The following MAP2 variants were observed in gnomAD, a reference collection of about 807,000 sequenced individuals.
MAP2 encodes the protein microtubule associated protein 2.
A neutral mutation model predicts 137.6 loss-of-function variants in MAP2; 14 were observed. The observed-to-expected ratio is 0.10, with a 90% CI of 0.07 to 0.16. MAP2 has a LOEUF of 0.16. MAP2 is among the 10% of genes least tolerant of loss of function. The probability of loss-of-function intolerance (pLI) is 1.00; values close to 1 mark genes in which losing one functional copy is unlikely to be tolerated. For missense variants in MAP2, 2,088 were observed against 2,191.5 expected (o/e 0.95, Z 0.94); for synonymous variants, 786 against 782.3 (o/e 1.00, Z -0.08).
chr2:209,505,466 A>G (rs1355188491), intron 1 of MAP2, among the ~76,000 whole-genome samples: 1 of 152,110 alleles, frequency 6.6e-6, no homozygotes, highest in East Asian at 1.9e-4. Flanking sequence ...TATGGAAACA[A>G]GGTTTTTGTC....
intron 10 of MAP2, among the ~76,000 whole-genome samples, chr2:209,699,869 A>G (rs946315065): frequency 6.6e-6 from 1 of 152,186 alleles, no homozygotes; most frequent in Non-Finnish European, 1.5e-5. Flanking sequence ...GGAAATCTCT[A>G]TGAACCCTCT....
intron 2 of MAP2, among the ~76,000 whole-genome samples, chr2:209,577,143 A>G (rs2153386264): frequency 6.6e-6 from 1 of 152,318 alleles, no homozygotes; most frequent in South Asian, 2.1e-4. Context: ...ACTTTGAAAA[A>G]TCACCTCATT....
intron 3 of MAP2, among the ~76,000 whole-genome samples, chr2:209,580,929 T>C (rs1285903688): frequency 6.6e-6 from 1 of 152,218 alleles, no homozygotes; most frequent in Non-Finnish European, 1.5e-5. Context: ...GAAGACATTT[T>C]CTGCCCTGCT....
At chr2:209,698,143 C>T (rs566534959) in intron 10 of MAP2, among the ~76,000 whole-genome samples, 11 of 152,066 alleles carry the variant, frequency 7.2e-5, no homozygotes, top group African/African-American at 1.9e-4. Flanking sequence ...CCACTGCACC[C>T]GGCCTGCTAT....
rs139167427 is a variant in MAP2, at chr2:209,550,803, G to A, written c.-171-29233G>A. Among the ~76,000 whole-genome samples the A allele has an allele frequency of 5.4e-3, 826 of 152,216 alleles. 8 individuals are homozygous for A. The highest frequency in any genetic ancestry group is 0.019 in the African/African-American group (799 of 41,534). Reference sequence around the variant, plus strand: ...TCCTACTTGTCACAGTTCTCATAATGTACTTTCACTTGATTTAATATAATT... The same window carrying A: ...TCCTACTTGTCACAGTTCTCATAATATACTTTCACTTGATTTAATATAATT... On this transcript the variant is annotated intron_variant, in intron 2 of 15. Coordinates refer to ENST00000682079, the MANE Select transcript of MAP2 (RefSeq NM_001375505.1).
chr2:209,435,864 TAGTC>T (rs1242129091), intron 1 of MAP2, among the ~76,000 whole-genome samples: 1 of 148,624 alleles, frequency 6.7e-6, no homozygotes, highest in East Asian at 2.0e-4. Context: ...TGCAGAAATG[TAGTC>T]AGTCAGTGAA....
intron 2 of MAP2, among the ~76,000 whole-genome samples, chr2:209,523,200 A>G (rs2063529038): frequency 6.6e-6 from 1 of 152,106 alleles, no homozygotes; most frequent in Non-Finnish European, 1.5e-5. Flanking sequence ...GTGCACTCCC[A>G]TAACACCCCG....
chr2:209,633,407 G>C (rs2093282195), intron 4 of MAP2, among the ~76,000 whole-genome samples: 1 of 152,096 alleles, frequency 6.6e-6, no homozygotes, highest in Non-Finnish European at 1.5e-5. Flanking sequence ...CATCCAGTTG[G>C]TGAAGTCTCA....
At position 209,731,589 on chromosome 2, in the gene MAP2, T is replaced by A. The variant is rs563082481; in HGVS notation, c.*1192T>A. On this transcript the variant is annotated 3_prime_UTR_variant, in exon 16 of 16. Coordinates refer to ENST00000682079, the MANE Select transcript of MAP2 (RefSeq NM_001375505.1). ...GATAGTTTGGGGTTTATTCCTATTA[T>A]TATTCATGAAACCGACTTAAGATTT... 6.6e-6 allele frequency: 1 copy of A among 152,646 alleles called. No individual in the cohort carries two copies. The highest frequency in any genetic ancestry group is 1.5e-5 in the Non-Finnish European group (1 of 68,036). The allele number at this position is 152,646 out of a possible 1,614,324, so 9.5% of individuals were successfully genotyped here.
rs763687737 is a variant in MAP2, at chr2:209,700,338, T to C, written c.4584T>C (p.Ser1528=). The change falls in exon 11 of 16, where the codon TCT becomes TCC. Residue 1528 remains serine (S), a splice_region_variant and synonymous_variant. Coordinates refer to ENST00000682079, the MANE Select transcript of MAP2 (RefSeq NM_001375505.1). ...TTAAACAGGCAAAGGACAAAGTCTCTGTGAGTAAAATAAGTTTTTCCTTGT... is the reference window on the plus strand; with the variant it reads ...TTAAACAGGCAAAGGACAAAGTCTCCGTGAGTAAAATAAGTTTTTCCTTGT... ...SVFKQAKDKV[S]DGVTKSPEKR... 3 of 1,610,824 alleles carry C rather than the reference T, an allele frequency of 1.9e-6. No individual in the cohort carries two copies. The Admixed American group carries it at 5.0e-5, about 27-fold the overall frequency.
chr2:209,609,704 G>C (rs1161360238), intron 3 of MAP2, among the ~76,000 whole-genome samples: 31 of 152,134 alleles, frequency 2.0e-4, no homozygotes, highest in Admixed American at 2.0e-3. Flanking sequence ...GATTTTATTA[G>C]TTCATTAATC....
At chr2:209,662,311 G>A (rs978277076) in intron 5 of MAP2, among the ~76,000 whole-genome samples, 3 of 152,116 alleles carry the variant, frequency 2.0e-5, no homozygotes, top group East Asian at 1.9e-4. Context: ...TTCTTGTCTC[G>A]CTTTGTGCTA....
At chr2:209,656,981 T>A (rs2663647) in intron 5 of MAP2, among the ~76,000 whole-genome samples, 43,140 of 152,110 alleles carry the variant, frequency 0.28, 10,572 homozygotes, top group African/African-American at 0.66. Context: ...ATTTATGTCC[T>A]TGTGTATTCA....
At chr2:209,688,754 A>G (rs2057933406) in intron 7 of MAP2, among the ~76,000 whole-genome samples, 1 of 152,202 alleles carries the variant, frequency 6.6e-6, no homozygotes, top group Non-Finnish European at 1.5e-5. Context: ...GGTACAGCTA[A>G]ATATATTTTT....
At chr2:209,572,676 A>G (rs991002795) in intron 2 of MAP2, among the ~76,000 whole-genome samples, 10 of 152,164 alleles carry the variant, frequency 6.6e-5, no homozygotes, top group Admixed American at 2.0e-4. Flanking sequence ...CTACTTTTTC[A>G]GGAGAAATTT....
intron 2 of MAP2, among the ~76,000 whole-genome samples, chr2:209,552,818 G>A (rs568224064): frequency 3.9e-5 from 6 of 151,966 alleles, no homozygotes; most frequent in Non-Finnish European, 5.9e-5. Context: ...CCAAGATCGC[G>A]CCACTGCACT....
chr2:209,472,855 A>G (rs1706128698), intron 1 of MAP2, among the ~76,000 whole-genome samples: 1 of 152,188 alleles, frequency 6.6e-6, no homozygotes, highest in Admixed American at 6.5e-5. Context: ...AATGAATTAG[A>G]AGGAAGTTGA....
intron 5 of MAP2, among the ~76,000 whole-genome samples, chr2:209,661,009 G>A (rs1053019558): frequency 6.0e-5 from 9 of 151,206 alleles, no homozygotes; most frequent in African/African-American, 2.2e-4. Flanking sequence ...ATCCCAAAGT[G>A]CTGGGATTAC....
At chr2:209,508,005 G>A (rs1454336681) in intron 2 of MAP2, among the ~76,000 whole-genome samples, 1 of 151,990 alleles carries the variant, frequency 6.6e-6, no homozygotes, top group African/African-American at 2.4e-5. Flanking sequence ...GAATTTGCAG[G>A]AAAACACTTT....
Sources: allele counts gnomAD v4.1 joint callset (sites outside exome capture counted in the v4.1 genomes callset), GRCh38; gene constraint gnomAD v4.1.1; transcripts MANE v1.5; gene names NCBI Gene and HGNC (gene_info 2026-07-23, HGNC 2026-07-21).